The following NALF1 variants were observed in gnomAD, a reference collection of about 807,000 sequenced individuals.
NALF1 encodes the protein NALCN channel auxiliary factor 1.
In NALF1, 3 loss-of-function variants were observed where a neutral mutation model predicts 48.4. That is an observed-to-expected ratio of 0.06 (90% CI 0.03 to 0.16). The LOEUF is 0.16. Ranked by LOEUF, NALF1 falls within the 10% of genes least tolerant of loss-of-function variation. The pLI is 1.00. For synonymous variants in NALF1, 262 were observed against 245.7 expected (o/e 1.07, Z -0.62); for missense variants, 526 against 571.5 (o/e 0.92, Z 0.81).
intron 1 of NALF1, among the ~76,000 whole-genome samples, chr13:107,447,056 C>T (rs1186135450): frequency 6.6e-6 from 1 of 152,108 alleles, no homozygotes; most frequent in African/African-American, 2.4e-5. Flanking sequence ...TTGGGATTTG[C>T]ATTTGAAAAA....
intron 1 of NALF1, among the ~76,000 whole-genome samples, chr13:107,446,002 A>C (rs536013722): frequency 5.9e-5 from 9 of 152,086 alleles, no homozygotes; most frequent in Admixed American, 5.2e-4. Context: ...GCAGTGGCGC[A>C]ATCTTAGTGC....
At chr13:107,217,533 A>ATCTC (rs916480715) in intron 1 of NALF1, among the ~76,000 whole-genome samples, 1 of 151,560 alleles carries the variant, frequency 6.6e-6, no homozygotes, top group East Asian at 1.9e-4. Flanking sequence ...ACCAATGCTG[A>ATCTC]TCTCTCTCTC....
chr13:107,483,159 A>G (rs1033136602), intron 1 of NALF1, among the ~76,000 whole-genome samples: 4 of 152,198 alleles, frequency 2.6e-5, no homozygotes, highest in Non-Finnish European at 5.9e-5. Flanking sequence ...TGCACATAGG[A>G]AGAAATCACT....
intron 1 of NALF1, among the ~76,000 whole-genome samples, chr13:107,717,716 G>C (rs1472262106): frequency 2.4e-4 from 36 of 152,018 alleles, no homozygotes. Flanking sequence ...CCAGGAGTGG[G>C]GAAAGTAAGG....
chr13:107,462,866 T>A (rs1884942321), intron 1 of NALF1, among the ~76,000 whole-genome samples: 1 of 152,196 alleles, frequency 6.6e-6, no homozygotes, highest in African/African-American at 2.4e-5. Context: ...ATGCACCTTT[T>A]CCCTTTGCTG....
chr13:107,400,145 T>C (rs983103285), intron 1 of NALF1, among the ~76,000 whole-genome samples: 1 of 152,170 alleles, frequency 6.6e-6, no homozygotes, highest in African/African-American at 2.4e-5. Context: ...GATTCACCAG[T>C]CATCTGATTT....
chr13:107,851,805 C>CTTTTTTTTTTTTTTTT, intron 1 of NALF1, among the ~76,000 whole-genome samples: 2 of 104,722 alleles, frequency 1.9e-5, no homozygotes, highest in East Asian at 2.9e-4. Flanking sequence ...CAGGCCCTTT[C>CTTTTTTTTTTTTTTTT]TTTTTTTTTT....
At chr13:107,689,086 G>A (rs1248261490) in intron 1 of NALF1, among the ~76,000 whole-genome samples, 1 of 152,132 alleles carries the variant, frequency 6.6e-6, no homozygotes, top group Non-Finnish European at 1.5e-5. Flanking sequence ...TGGCTTCCCT[G>A]GGGAGATATT....
In NALF1 at chr13:107,308,394, G is replaced by A. The variant is rs1000694010; in HGVS notation, c.916-97639C>T. On this transcript the variant is annotated intron_variant, in intron 1 of 2. Coordinates refer to ENST00000375915, the MANE Select transcript of NALF1 (RefSeq NM_001080396.3). ...TTTTTTTGTATTTTCAGTAGAGACG[G>A]GGTTTCACCATGTTAGCCAGGATGG... Among the ~76,000 whole-genome samples the A allele has an allele frequency of 2.6e-5, 4 of 151,780 alleles. No individual in the cohort carries two copies. The South Asian group carries it at 8.3e-4, about 32-fold the overall frequency.
At chr13:107,363,123 T>C (rs1883094151) in intron 1 of NALF1, among the ~76,000 whole-genome samples, 1 of 152,234 alleles carries the variant, frequency 6.6e-6, no homozygotes, top group African/African-American at 2.4e-5. Context: ...TTTTATTTCA[T>C]TTGTTCATTT....
intron 1 of NALF1, among the ~76,000 whole-genome samples, chr13:107,517,681 C>T (rs1056344736): frequency 5.9e-5 from 9 of 151,518 alleles, no homozygotes; most frequent in Admixed American, 1.3e-4. Flanking sequence ...TAAGGCCAGG[C>T]GCAGTGGCTC....
At chr13:107,388,010 T>G (rs1038081206) in intron 1 of NALF1, among the ~76,000 whole-genome samples, 3 of 152,180 alleles carry the variant, frequency 2.0e-5, no homozygotes, top group Admixed American at 6.5e-5. Context: ...AGCGGAACCC[T>G]CCCTGAGTGA....
chr13:107,294,683 C>T (rs772354300), intron 1 of NALF1, among the ~76,000 whole-genome samples: 4 of 152,190 alleles, frequency 2.6e-5, no homozygotes, highest in South Asian at 2.1e-4. Flanking sequence ...AAAAACTTGT[C>T]GAAGCTCAGA....
intron 1 of NALF1, among the ~76,000 whole-genome samples, chr13:107,813,901 T>C (rs1411103490): frequency 1.3e-5 from 2 of 152,168 alleles, no homozygotes; most frequent in African/African-American, 2.4e-5. Flanking sequence ...GTTGCTATCA[T>C]TGTTTAACTA....
chr13:107,230,800 C>T (rs536663996), intron 1 of NALF1, among the ~76,000 whole-genome samples: 8 of 152,064 alleles, frequency 5.3e-5, no homozygotes, highest in Non-Finnish European at 1.0e-4. Context: ...TGGCTCATGG[C>T]TGTAATCCCA....
At chr13:107,238,507 G>A (rs1272512749) in intron 1 of NALF1, among the ~76,000 whole-genome samples, 2 of 152,172 alleles carry the variant, frequency 1.3e-5, no homozygotes, top group Admixed American at 1.3e-4. Context: ...CCACTGAAGA[G>A]TGTGACAAAG....
At chr13:107,366,653 G>GTT (rs1883156924) in intron 1 of NALF1, among the ~76,000 whole-genome samples, 1 of 152,178 alleles carries the variant, frequency 6.6e-6, no homozygotes, top group Non-Finnish European at 1.5e-5. Flanking sequence ...AAATTAAACT[G>GTT]TGGTTTACAG....
chr13:107,584,510 T>C (rs898915471), intron 1 of NALF1, among the ~76,000 whole-genome samples: 1 of 152,210 alleles, frequency 6.6e-6, no homozygotes, highest in Non-Finnish European at 1.5e-5. Flanking sequence ...CAGTGATTAA[T>C]ATGTTAAAGA....
intron 1 of NALF1, among the ~76,000 whole-genome samples, chr13:107,277,261 C>G (rs907310015): frequency 5.3e-5 from 8 of 152,016 alleles, no homozygotes; most frequent in African/African-American, 1.9e-4. Flanking sequence ...CTTGTGTCTC[C>G]TTGTCTATAT....
Sources: gnomAD v4.1 joint callset for allele counts (sites outside exome capture counted in the v4.1 genomes callset) on GRCh38, gnomAD v4.1.1 for gene constraint, MANE v1.5 for transcripts, NCBI Gene and HGNC (gene_info 2026-07-23, HGNC 2026-07-21) for gene names.